The following ZMIZ1 variants were observed in gnomAD, a reference collection of about 807,000 sequenced individuals.
ZMIZ1 encodes the protein zinc finger MIZ domain-containing protein 1.
A neutral mutation model predicts 113.9 loss-of-function variants in ZMIZ1; 17 were observed. The ratio of observed to expected loss-of-function variants is 0.15; its 90% confidence interval spans 0.10 to 0.22. ZMIZ1 has a LOEUF of 0.22. Ranked by LOEUF, ZMIZ1 falls within the 10% of genes least tolerant of loss-of-function variation. The pLI is 1.00. For synonymous variants in ZMIZ1, 607 were observed against 603.1 expected (o/e 1.01, Z -0.09); for missense variants, 1,059 against 1,477.8 (o/e 0.72, Z 4.65).
At chr10:79,087,176 C>T (rs912439812) in intron 1 of ZMIZ1, among the ~76,000 whole-genome samples, 18 of 152,256 alleles carry the variant, frequency 1.2e-4, no homozygotes, top group Non-Finnish European at 2.2e-4. Context: ...GCGCATGTTG[C>T]GCACTGCACA....
intron 7 of ZMIZ1, among the ~76,000 whole-genome samples, chr10:79,255,358 G>C (rs771192275): frequency 6.6e-6 from 1 of 152,214 alleles, no homozygotes; most frequent in Non-Finnish European, 1.5e-5. Context: ...CTGGCACCTG[G>C]GTTGCCCCCA....
At chr10:79,178,223 C>T (rs1047180023) in intron 4 of ZMIZ1, among the ~76,000 whole-genome samples, 1 of 152,232 alleles carries the variant, frequency 6.6e-6, no homozygotes, top group Non-Finnish European at 1.5e-5. Context: ...TGTCCTGTCT[C>T]CCCATCTGTG....
At chr10:79,151,149 G>A (rs1399596109) in intron 3 of ZMIZ1, among the ~76,000 whole-genome samples, 1 of 152,160 alleles carries the variant, frequency 6.6e-6, no homozygotes, top group African/African-American at 2.4e-5. Context: ...TCAGCAGCAG[G>A]GAAGACCAGG....
At chr10:79,276,189 A>G (rs949328458) in intron 7 of ZMIZ1, among the ~76,000 whole-genome samples, 3 of 152,132 alleles carry the variant, frequency 2.0e-5, no homozygotes, top group Admixed American at 2.0e-4. Context: ...CCTCTAAGCA[A>G]ACTGAGGCCC....
At chr10:79,117,569 C>T (rs1564660459) in intron 1 of ZMIZ1, among the ~76,000 whole-genome samples, 1 of 152,236 alleles carries the variant, frequency 6.6e-6, no homozygotes, top group African/African-American at 2.4e-5. Flanking sequence ...CTGGCTGTTA[C>T]GAATTGCCTT....
In ZMIZ1 at chr10:79,277,213, C is replaced by T. The variant is rs765230560; in HGVS notation, c.313C>T (p.Arg105Cys). Residue 105 changes from arginine (R) to cysteine (C), a missense_variant, in exon 8 of 25, where the codon CGC (arginine) becomes TGC (cysteine). Arg to Cys is a radical substitution (Grantham distance 180). Coordinates refer to ENST00000334512, the MANE Select transcript of ZMIZ1 (RefSeq NM_020338.4). Reference sequence around the variant, plus strand: ...GTCCTCCTGGTGCGAAGAGCTCGGCCGCCTGCTGCTGCTCCGACATCAGAA... The same window carrying T: ...GTCCTCCTGGTGCGAAGAGCTCGGCTGCCTGCTGCTGCTCCGACATCAGAA... ...LLSSWCEELG[R>C]LLLLRHQKSR... 9 of 1,580,220 alleles carry T rather than the reference C, an allele frequency of 5.7e-6. No homozygotes were observed. The highest frequency in any genetic ancestry group is 2.4e-5 in the East Asian group (1 of 42,118).
At chr10:79,285,623 G>A (rs1486517655) in intron 8 of ZMIZ1, 1 of 455,638 alleles carries the variant, frequency 2.2e-6, no homozygotes, top group Non-Finnish European at 4.4e-6. Flanking sequence ...CACTCCAAGG[G>A]TGAGTGCAGA....
intron 3 of ZMIZ1, among the ~76,000 whole-genome samples, chr10:79,145,344 T>TGCCCGCGCAACAGA (rs11268036): frequency 0.014 from 2,066 of 151,872 alleles, 18 homozygotes; most frequent in Middle Eastern, 0.051. Flanking sequence ...CATTCCGGAG[T>TGCCCGCGCAACAGA]GCCTGCGAGG....
chr10:79,292,098 GC>G lies in ZMIZ1; in HGVS notation c.759-57del, dbSNP rs1853532329. 2.7e-6 allele frequency: 4 copies of G among 1,494,594 alleles called. No individual in the cohort carries two copies. In the Admixed American group the frequency reaches 7.0e-5, roughly 26 times the overall value. The allele number at this position is 1,494,594 out of a possible 1,614,324, so 92.6% of individuals were successfully genotyped here. A position where few individuals can be genotyped will look rare whatever the true frequency, so the allele number is the denominator to read the frequency against. On this transcript the variant is annotated intron_variant, in intron 10 of 24. Transcript: ENST00000334512. ...TCATCTCCCTTCCAGCCCACAGCTT[GC>G]CCTCAGTTCCCCTCAGATGCAGGCA... is the stretch of plus-strand genomic sequence containing the variant.
At chr10:79,124,479 T>A (rs1414339285) in intron 2 of ZMIZ1, among the ~76,000 whole-genome samples, 1 of 152,224 alleles carries the variant, frequency 6.6e-6, no homozygotes, top group African/African-American at 2.4e-5. Context: ...GATACTTGCT[T>A]GTTTGCTGGG....
chr10:79,300,666 G>A lies in ZMIZ1; in HGVS notation c.1809-66G>A, dbSNP rs879058674. 7.2e-5 allele frequency: 109 copies of A among 1,513,412 alleles called. No individual in the cohort carries two copies. The East Asian group carries it at 1.7e-3, about 24-fold the overall frequency. 93.7% of individuals were successfully genotyped at this position (1,513,412 alleles called of 1,614,324 possible). ...TGTTTAGAGGTGTGTGACCTGGCTC[G>A]GGGTCACGGAGGCCATGGACAGCCC... On this transcript the variant is annotated intron_variant, in intron 16 of 24. Transcript: ENST00000334512.
chr10:79,115,959 T>G (rs936955749), intron 1 of ZMIZ1, among the ~76,000 whole-genome samples: 2 of 152,384 alleles, frequency 1.3e-5, no homozygotes, highest in South Asian at 4.1e-4. Context: ...TTCCATTGTT[T>G]TGCCAGAGGG....
At position 79,118,717 on chromosome 10, in the gene ZMIZ1, G is replaced by A. The variant is rs942477916; in HGVS notation, c.-336-198G>A. 1.3e-5 allele frequency among the ~76,000 whole-genome samples: 2 copies of A among 152,188 alleles called. No individual in the cohort carries two copies. Among genetic ancestry groups the A allele is most frequent in the African/African-American group, 4.8e-5 (2 of 41,446 alleles). On this transcript the variant is annotated intron_variant, in intron 1 of 24. Transcript: ENST00000334512. This position sits in a 1 kb window ranked among gnomAD's most constrained non-coding sequence, Gnocchi z 4.1. ...GCTGCTCGGCCGGTGCTGGGGCTTC[G>A]AATGTGACGTTCAGGAGCTGCGACC...
In ZMIZ1 at chr10:79,118,147, G is replaced by A. The variant is rs960966797; in HGVS notation, c.-336-768G>A. Among the ~76,000 whole-genome samples, 8 of 152,164 alleles carry A rather than the reference G, an allele frequency of 5.3e-5. No individual in the cohort carries two copies. Among genetic ancestry groups the A allele is most frequent in the African/African-American group, 1.9e-4 (8 of 41,432 alleles). On this transcript the variant is annotated intron_variant, in intron 1 of 24. Coordinates refer to ENST00000334512, the MANE Select transcript of ZMIZ1 (RefSeq NM_020338.4). The surrounding 1 kb of genome is among the most constrained non-coding windows in gnomAD (Gnocchi z 4.1). Reference sequence around the variant, plus strand: ...GCCTCAGTTTCCTCATTTGTAAAATGACAAGGAAAAGTATCAACCTCACCA... The same window carrying A: ...GCCTCAGTTTCCTCATTTGTAAAATAACAAGGAAAAGTATCAACCTCACCA...
rs1191973935 is a variant in ZMIZ1 at position 79,296,026 on chromosome 10, G to A, written c.1231-445G>A. The A allele has an allele frequency of 5.0e-6, 1 of 199,276 alleles. No individual in the cohort carries two copies. The highest frequency in any genetic ancestry group is 1.7e-4 in the East Asian group (1 of 5,980). 12.3% of individuals were successfully genotyped at this position (199,276 alleles called of 1,614,324 possible). A position where few individuals can be genotyped will look rare whatever the true frequency, so the allele number is the denominator to read the frequency against. ...GGAGTACGAGGACAATGCCACCCAA[G>A]TTCAGCCTTGGAATGCAGGGGCACA... On this transcript the variant is annotated intron_variant, in intron 12 of 24. Coordinates refer to ENST00000334512, the MANE Select transcript of ZMIZ1 (RefSeq NM_020338.4). This position sits in a 1 kb window ranked among gnomAD's most constrained non-coding sequence, Gnocchi z 4.1.
chr10:79,126,799 G>A (rs747196794), intron 2 of ZMIZ1, among the ~76,000 whole-genome samples: 12 of 152,222 alleles, frequency 7.9e-5, no homozygotes, highest in Admixed American at 2.0e-4. Flanking sequence ...GGAAGAGTCC[G>A]CTTCTGGAGG....
At chr10:79,082,212 G>A (rs1243325075) in intron 1 of ZMIZ1, among the ~76,000 whole-genome samples, 1 of 152,238 alleles carries the variant, frequency 6.6e-6, no homozygotes, top group Non-Finnish European at 1.5e-5. Context: ...CGTCCTGGGG[G>A]CAGGCACTCG....
chr10:79,188,819 T>A (rs1847468386), intron 4 of ZMIZ1, among the ~76,000 whole-genome samples: 1 of 152,198 alleles, frequency 6.6e-6, no homozygotes, highest in African/African-American at 2.4e-5. Flanking sequence ...TGCCATCCAG[T>A]AACACTGAGA....
At chr10:79,187,129 A>G (rs1046764687) in intron 4 of ZMIZ1, among the ~76,000 whole-genome samples, 7 of 152,086 alleles carry the variant, frequency 4.6e-5, no homozygotes, top group African/African-American at 1.7e-4. Flanking sequence ...CTTTTTGTTT[A>G]ATCCTTTCTT....
Sources: allele counts gnomAD v4.1 joint callset (sites outside exome capture counted in the v4.1 genomes callset), GRCh38; gene constraint gnomAD v4.1.1; non-coding constraint Gnocchi (gnomAD v3.1); transcripts MANE v1.5; gene names NCBI Gene and HGNC (gene_info 2026-07-23, HGNC 2026-07-21).